The following SEMA3E variants were observed in gnomAD, a reference collection of about 807,000 sequenced individuals.
SEMA3E encodes the protein semaphorin-3E.
SEMA3E carries 49 observed loss-of-function variants against 93.6 expected under a neutral mutation model. That is an observed-to-expected ratio of 0.52 (90% CI 0.42 to 0.66). SEMA3E has a LOEUF of 0.66. SEMA3E is among the 30% of genes least tolerant of loss of function. The probability of loss-of-function intolerance (pLI) is 0.00; values close to 1 mark genes in which losing one functional copy is unlikely to be tolerated. For synonymous variants in SEMA3E, 363 were observed against 330.7 expected, an observed-to-expected ratio of 1.10 and a Z score of -1.06; for missense variants, 906 against 964.8, an observed-to-expected ratio of 0.94 and a Z score of 0.81.
intron 1 of SEMA3E, among the ~76,000 whole-genome samples, chr7:83,503,012 C>CTT (rs71074668): frequency 4.6e-5 from 6 of 131,206 alleles, no homozygotes; most frequent in South Asian, 4.5e-4. Context: ...CTTTCTCTCT[C>CTT]TTTTTTTTTT....
At chr7:83,392,841 C>T (rs940489468) in intron 13 of SEMA3E, 120 bp from the exon 14 acceptor site, 1 of 934,654 alleles carries the variant, frequency 1.1e-6, no homozygotes, top group Non-Finnish European at 1.7e-6. Context: ...ATTTAATTCA[C>T]TTAAATTAGC....
intron 4 of SEMA3E, among the ~76,000 whole-genome samples, chr7:83,435,949 A>G (rs146905825): frequency 2.0e-5 from 3 of 152,220 alleles, no homozygotes; most frequent in Admixed American, 6.5e-5. Flanking sequence ...TTCAACTTTA[A>G]AGTAGCAACA....
At chr7:83,634,558 T>G (rs1793845764) in intron 1 of SEMA3E, among the ~76,000 whole-genome samples, 1 of 152,054 alleles carries the variant, frequency 6.6e-6, no homozygotes, top group East Asian at 1.9e-4. Flanking sequence ...CAAAATGCTA[T>G]TTCATTCTTT....
chr7:83,538,780 T>C (rs536811708), intron 1 of SEMA3E, among the ~76,000 whole-genome samples: 3 of 152,296 alleles, frequency 2.0e-5, no homozygotes, highest in East Asian at 3.9e-4. Context: ...GTTGTATCAG[T>C]CTCCTCTCAA....
chr7:83,548,729 C>T (rs1791701775), intron 1 of SEMA3E, among the ~76,000 whole-genome samples: 1 of 152,090 alleles, frequency 6.6e-6, no homozygotes, highest in Non-Finnish European at 1.5e-5. Flanking sequence ...TAGTGCCTAG[C>T]ACACTAATAT....
rs2255820 is a variant in SEMA3E, at chr7:83,400,323, A to T, written c.1144-73T>A. 578,509 of 1,341,862 alleles carry T rather than the reference A, an allele frequency of 0.43. 130,195 individuals carry two copies. The highest frequency in any genetic ancestry group is 0.45 in the Non-Finnish European group (422,963 of 932,898). 83.1% of individuals were successfully genotyped at this position (1,341,862 alleles called of 1,614,324 possible). ...AGAAAATTTATAATCAATTATGAGA[A>T]GAATCAGAAAAATTGAAGTTGTCAA... On this transcript the variant is annotated intron_variant, in intron 10 of 16. Coordinates refer to ENST00000643230, the MANE Select transcript of SEMA3E (RefSeq NM_012431.3).
intron 1 of SEMA3E, among the ~76,000 whole-genome samples, chr7:83,533,096 T>C (rs1028663235): frequency 6.6e-6 from 1 of 152,170 alleles, no homozygotes; most frequent in East Asian, 1.9e-4. Context: ...CTTCTGTATC[T>C]TTCTCTCCTC....
At chr7:83,470,265 A>C (rs1320425555) in intron 2 of SEMA3E, among the ~76,000 whole-genome samples, 1 of 152,160 alleles carries the variant, frequency 6.6e-6, no homozygotes, top group Non-Finnish European at 1.5e-5. Flanking sequence ...CCACAAGCAG[A>C]AATCAGTTAT....
intron 1 of SEMA3E, among the ~76,000 whole-genome samples, chr7:83,567,264 CAA>C (rs1792180807): frequency 6.6e-6 from 1 of 152,074 alleles, no homozygotes; most frequent in African/African-American, 2.4e-5. Context: ...ATATATAAAA[CAA>C]ATATTAGATG....
intron 1 of SEMA3E, among the ~76,000 whole-genome samples, chr7:83,532,410 T>C (rs1340212847): frequency 6.6e-6 from 1 of 152,198 alleles, no homozygotes; most frequent in Non-Finnish European, 1.5e-5. Flanking sequence ...CTCATTCTAC[T>C]TTTAGAGAGA....
At chr7:83,500,923 G>A (rs1156564648) in intron 1 of SEMA3E, among the ~76,000 whole-genome samples, 1 of 152,020 alleles carries the variant, frequency 6.6e-6, no homozygotes, top group Non-Finnish European at 1.5e-5. Flanking sequence ...TGTATTCTAT[G>A]AAATTGTCTG....
At chr7:83,605,117 A>G (rs772587759) in intron 1 of SEMA3E, among the ~76,000 whole-genome samples, 6 of 152,128 alleles carry the variant, frequency 3.9e-5, no homozygotes, top group Non-Finnish European at 7.3e-5. Context: ...TTTATACTAG[A>G]ATGATTTAAA....
chr7:83,435,551 A>T (rs1401209613), intron 4 of SEMA3E, among the ~76,000 whole-genome samples: 6 of 152,266 alleles, frequency 3.9e-5, no homozygotes, highest in Non-Finnish European at 7.4e-5. Context: ...AGACGAGATC[A>T]TGCCACTGCA....
chr7:83,607,937 T>C (rs959423969), intron 1 of SEMA3E, among the ~76,000 whole-genome samples: 1 of 151,878 alleles, frequency 6.6e-6, no homozygotes, highest in Non-Finnish European at 1.5e-5. Context: ...TTTTAGCTGG[T>C]TGGGTGTGGT....
chr7:83,628,323 G>C (rs188848697), intron 1 of SEMA3E, among the ~76,000 whole-genome samples: 62 of 152,118 alleles, frequency 4.1e-4, no homozygotes, highest in Admixed American at 1.4e-3. Context: ...TCCTGAATTT[G>C]AATGTTGGCC....
At chr7:83,409,816 C>G (rs1788404480) in intron 5 of SEMA3E, among the ~76,000 whole-genome samples, 1 of 150,392 alleles carries the variant, frequency 6.6e-6, no homozygotes, top group Non-Finnish European at 1.5e-5. Flanking sequence ...GACTTTTTTC[C>G]CAAGGTAAGG....
intron 1 of SEMA3E, among the ~76,000 whole-genome samples, chr7:83,631,200 A>G (rs1415750965): frequency 2.0e-5 from 3 of 152,128 alleles, no homozygotes; most frequent in Non-Finnish European, 4.4e-5. Flanking sequence ...GTTTCTTCAT[A>G]TTAAAAAATG....
chr7:83,441,110 A>T (rs986994754), intron 4 of SEMA3E, among the ~76,000 whole-genome samples: 17 of 152,198 alleles, frequency 1.1e-4, no homozygotes, highest in African/African-American at 3.4e-4. Flanking sequence ...TAGTGATAGC[A>T]GTCAAAGATA....
chr7:83,514,894 A>G (rs999334593), intron 1 of SEMA3E, among the ~76,000 whole-genome samples: 5 of 152,164 alleles, frequency 3.3e-5, no homozygotes, highest in African/African-American at 1.2e-4. Context: ...TTGGATAATA[A>G]TTTGATATCA....
Sources: allele counts gnomAD v4.1 joint callset (sites outside exome capture counted in the v4.1 genomes callset), GRCh38; gene constraint gnomAD v4.1.1; transcripts MANE v1.5; gene names NCBI Gene and HGNC (gene_info 2026-07-23, HGNC 2026-07-21).